The following MYO1D variants were observed in gnomAD, a reference collection of about 807,000 sequenced individuals.
MYO1D encodes the protein myosin ID.
Under a neutral mutation model 122.0 loss-of-function variants are expected in MYO1D, and 83 were observed. The ratio of observed to expected loss-of-function variants is 0.68; its 90% CI spans 0.57 to 0.82. The LOEUF (loss-of-function observed/expected upper bound fraction) is 0.82, where lower values mean the gene tolerates loss of function less well. Among genes scored for constraint, MYO1D ranks in the 40% least tolerant of loss-of-function variants. The pLI is 0.00. For synonymous variants in MYO1D, 464 were observed against 446.9 expected, an observed-to-expected ratio of 1.04 and a Z score of -0.48; for missense variants, 1,157 against 1,269.5, an observed-to-expected ratio of 0.91 and a Z score of 1.35.
chr17:32,695,064 C>G (rs2089154116), intron 16 of MYO1D, among the ~76,000 whole-genome samples: 2 of 152,028 alleles, frequency 1.3e-5, no homozygotes, highest in Admixed American at 1.3e-4. Flanking sequence ...AATTTAAGTT[C>G]TCATCAGCTT....
rs8075413 is a variant in MYO1D, at chr17:32,743,769, C to T, written c.1613+1442G>A. 2.5e-3 allele frequency among the ~76,000 whole-genome samples: 380 copies of T among 152,104 alleles called. 3 individuals are homozygous for T. Among genetic ancestry groups the T allele is most frequent in the African/African-American group, 8.6e-3 (356 of 41,496 alleles). On this transcript the variant is annotated intron_variant, in intron 13 of 21. Transcript: ENST00000318217. ...AGTAGCTGGGACTACAGACACTCAC[C>T]GCCACACCCGGCTAATTTTTTCATA...
intron 16 of MYO1D, among the ~76,000 whole-genome samples, chr17:32,706,926 G>A (rs1689821): frequency 0.35 from 52,490 of 151,542 alleles, 10,589 homozygotes; most frequent in East Asian, 0.53. Flanking sequence ...CCGATCTCCT[G>A]ACCTTGTGAT....
intron 1 of MYO1D, among the ~76,000 whole-genome samples, chr17:32,789,275 T>C (rs1398899049): frequency 1.3e-5 from 2 of 152,216 alleles, no homozygotes; most frequent in African/African-American, 4.8e-5. Flanking sequence ...TCTTGTCTGA[T>C]TGCTCTGGCC....
chr17:32,667,979 C>T lies in MYO1D; in HGVS notation c.2122-8641G>A, dbSNP rs183725197. On this transcript the variant is annotated intron_variant, in intron 16 of 21. Transcript: ENST00000318217. ...ATATCAACACTATTGAAACCCAAATCGCAATTATTTTGCAGACAAATGAAA... is the reference window on the plus strand; with the variant it reads ...ATATCAACACTATTGAAACCCAAATTGCAATTATTTTGCAGACAAATGAAA... 2.3e-3 allele frequency among the ~76,000 whole-genome samples: 347 copies of T among 152,218 alleles called. 1 individual carries two copies. Among genetic ancestry groups the T allele is most frequent in the African/African-American group, 7.5e-3 (311 of 41,508 alleles).
At chr17:32,749,887 T>C (rs933469655) in intron 11 of MYO1D, among the ~76,000 whole-genome samples, 1 of 152,218 alleles carries the variant, frequency 6.6e-6, no homozygotes, top group Non-Finnish European at 1.5e-5. Context: ...CATACACATC[T>C]TATTCAGTCT....
rs538337471 is a variant in MYO1D at position 32,775,350 on chromosome 17, G to C, written c.564+514C>G. Among the ~76,000 whole-genome samples, 11 of 152,056 alleles carry C rather than the reference G, an allele frequency of 7.2e-5. No homozygotes were observed. In the South Asian group the frequency reaches 2.3e-3, roughly 32 times the overall value. On this transcript the variant is annotated intron_variant, in intron 4 of 21. Transcript: ENST00000318217. ...ACAACCTCTCTGGTGGTCCCAAGAA[G>C]AAAATTCTAATTGGAATCCTCTAGA...
chr17:32,566,647 T>C (rs2087176207), intron 21 of MYO1D, among the ~76,000 whole-genome samples: 2 of 151,750 alleles, frequency 1.3e-5, no homozygotes, highest in Non-Finnish European at 1.5e-5. Context: ...AAAACATTTT[T>C]TGACTCGTGT....
At chr17:32,552,497 A>T (rs2087027377) in intron 21 of MYO1D, among the ~76,000 whole-genome samples, 1 of 110,936 alleles carries the variant, frequency 9.0e-6, no homozygotes, top group Non-Finnish European at 1.9e-5. Context: ...CTCCCTCCCA[A>T]CCATCTGTTC....
intron 14 of MYO1D, among the ~76,000 whole-genome samples, chr17:32,731,650 A>G (rs1180287481): frequency 6.6e-6 from 1 of 152,022 alleles, no homozygotes; most frequent in Non-Finnish European, 1.5e-5. Context: ...GCAGTGGGGG[A>G]GGTGCATCTG....
intron 1 of MYO1D, among the ~76,000 whole-genome samples, chr17:32,840,275 T>C (rs1019312419): frequency 1.3e-5 from 2 of 152,126 alleles, no homozygotes; most frequent in East Asian, 1.9e-4. Flanking sequence ...TAAAGGAAGG[T>C]TGCAAGGGTA....
intron 1 of MYO1D, among the ~76,000 whole-genome samples, chr17:32,872,554 G>A (rs1045866379): frequency 4.0e-5 from 6 of 151,856 alleles, no homozygotes; most frequent in African/African-American, 7.2e-5. Context: ...GATTACAGGC[G>A]TGAGCCACCG....
intron 14 of MYO1D, among the ~76,000 whole-genome samples, chr17:32,730,456 T>C (rs1251699626): frequency 1.3e-5 from 2 of 152,228 alleles, no homozygotes; most frequent in African/African-American, 2.4e-5. Flanking sequence ...GAGTTTCACT[T>C]AGTATACTCT....
intron 21 of MYO1D, among the ~76,000 whole-genome samples, chr17:32,597,868 CAAAAAAAAAAAAA>C (rs755415435): frequency 3.2e-5 from 2 of 62,716 alleles, no homozygotes; most frequent in Admixed American, 1.9e-4. Context: ...AACCCTGTCT[CAAAAAAAAAAAAA>C]AAAAAAAAAA....
At chr17:32,522,110 A>G (rs1910167214) in intron 21 of MYO1D, among the ~76,000 whole-genome samples, 1 of 151,730 alleles carries the variant, frequency 6.6e-6, no homozygotes, top group African/African-American at 2.4e-5. Flanking sequence ...AAAAAAAGCA[A>G]AACTCAGTTT....
intron 17 of MYO1D, among the ~76,000 whole-genome samples, chr17:32,657,377 A>G (rs2088492424): frequency 6.6e-6 from 1 of 152,258 alleles, no homozygotes; most frequent in African/African-American, 2.4e-5. Context: ...CTGTCTTGGT[A>G]CTGCCCACAA....
chr17:32,586,426 A>G (rs1375165430), intron 21 of MYO1D, among the ~76,000 whole-genome samples: 2 of 152,184 alleles, frequency 1.3e-5, no homozygotes, highest in Non-Finnish European at 2.9e-5. Context: ...AACCCAAAGC[A>G]GAATTTTACA....
chr17:32,535,652 G>A (rs1276286774), intron 21 of MYO1D, among the ~76,000 whole-genome samples: 1 of 152,214 alleles, frequency 6.6e-6, no homozygotes, highest in African/African-American at 2.4e-5. Context: ...TCAGGAGGCT[G>A]AGGCAGGAGA....
intron 21 of MYO1D, among the ~76,000 whole-genome samples, chr17:32,535,615 G>C (rs1273828310): frequency 2.0e-5 from 3 of 152,182 alleles, no homozygotes; most frequent in African/African-American, 7.2e-5. Context: ...GCTGGGTGTG[G>C]TGGTGGGCAC....
chr17:32,723,012 G>A (rs2089530080), intron 14 of MYO1D, among the ~76,000 whole-genome samples: 1 of 152,152 alleles, frequency 6.6e-6, no homozygotes, highest in African/African-American at 2.4e-5. Flanking sequence ...AGTCAATCAT[G>A]CCTTTGTGAT....
Sources: allele counts gnomAD v4.1 joint callset (sites outside exome capture counted in the v4.1 genomes callset), GRCh38; gene constraint gnomAD v4.1.1; transcripts MANE v1.5; gene names NCBI Gene and HGNC (gene_info 2026-07-23, HGNC 2026-07-21).